ANKS1B: variants seen among roughly 807,000 people sequenced by gnomAD.
The protein encoded by ANKS1B is ankyrin repeat and sterile alpha motif domain-containing protein 1B.
Under a neutral mutation model 148.3 loss-of-function variants are expected in ANKS1B, and 36 were observed. The observed-to-expected ratio is 0.24, with a 90% CI of 0.19 to 0.32. The LOEUF (loss-of-function observed/expected upper bound fraction) is 0.32. Among genes scored for constraint, ANKS1B ranks in the 10% least tolerant of loss-of-function variants. The pLI, the probability that ANKS1B is intolerant of heterozygous loss-of-function variation, is 1.00. For synonymous variants in ANKS1B, 542 were observed against 560.8 expected (o/e 0.97, Z 0.47); for missense variants, 1,157 against 1,542.6 (o/e 0.75, Z 4.19).
chr12:99,962,810 CTT>C (rs1010885602), intron 1 of ANKS1B, among the ~76,000 whole-genome samples: 3 of 120,706 alleles, frequency 2.5e-5, no homozygotes, highest in African/African-American at 6.2e-5. Context: ...TGATGTTGAG[CTT>C]TTTTTTTTTT....
chr12:98,835,625 C>T (rs1319402336), intron 17 of ANKS1B, among the ~76,000 whole-genome samples: 3 of 152,200 alleles, frequency 2.0e-5, no homozygotes, highest in African/African-American at 7.2e-5. Flanking sequence ...ATCCACATCG[C>T]TTAATCTTCA....
chr12:99,453,091 C>A (rs941502486), intron 10 of ANKS1B, among the ~76,000 whole-genome samples: 2 of 151,984 alleles, frequency 1.3e-5, no homozygotes, highest in Admixed American at 6.6e-5. Flanking sequence ...GAGATCGAGA[C>A]CATCCTGGCT....
intron 8 of ANKS1B, among the ~76,000 whole-genome samples, chr12:99,769,281 C>T (rs1356863670): frequency 1.3e-5 from 2 of 152,024 alleles, no homozygotes; most frequent in East Asian, 3.9e-4. Context: ...GATGTTAGAC[C>T]TGAGAAGCTT....
chr12:98,888,308 A>G (rs11612747), intron 17 of ANKS1B, among the ~76,000 whole-genome samples: 15,314 of 152,228 alleles, frequency 0.1, 912 homozygotes, highest in Middle Eastern at 0.17. Context: ...AAAATTTGAT[A>G]TTCTGAATCA....
At chr12:99,401,083 AG>A (rs2094391942) in intron 11 of ANKS1B, among the ~76,000 whole-genome samples, 1 of 146,224 alleles carries the variant, frequency 6.8e-6, no homozygotes, top group Non-Finnish European at 1.5e-5. Flanking sequence ...AGACATTGAG[AG>A]GTATAAATAT....
At chr12:99,612,071 A>G (rs1229594367) in intron 9 of ANKS1B, among the ~76,000 whole-genome samples, 1 of 152,102 alleles carries the variant, frequency 6.6e-6, no homozygotes, top group Non-Finnish European at 1.5e-5. Flanking sequence ...CAGTTAAAAA[A>G]TAGCAGCAGT....
Position 98,751,228 on chromosome 12 carries a change from G to A in ANKS1B, c.3747+127C>T, listed in dbSNP as rs913853590. 4 of 966,756 alleles carry A rather than the reference G, an allele frequency of 4.1e-6. No individual in the cohort carries two copies. The highest frequency in any genetic ancestry group is 1.7e-5 in the African/African-American group (1 of 60,182). The allele number at this position is 966,756 out of a possible 1,614,324, so 59.9% of individuals were successfully genotyped here. ...TGATGATGGACACATGCCAGGAGGAGGCCAAGGGAAAGGATGAAGAAGAGG... is the reference window on the plus strand; with the variant it reads ...TGATGATGGACACATGCCAGGAGGAAGCCAAGGGAAAGGATGAAGAAGAGG... On this transcript the variant is annotated intron_variant, in intron 26 of 26. Coordinates refer to ENST00000683438, the MANE Select transcript of ANKS1B (RefSeq NM_001352186.2). This position sits in a 1 kb window ranked among gnomAD's most constrained non-coding sequence, Gnocchi z 4.3.
intron 8 of ANKS1B, among the ~76,000 whole-genome samples, chr12:99,737,508 G>A (rs1460847044): frequency 6.6e-6 from 1 of 151,962 alleles, no homozygotes; most frequent in Non-Finnish European, 1.5e-5. Flanking sequence ...TCAAGTAATG[G>A]CTTTCCTCTC....
intron 17 of ANKS1B, among the ~76,000 whole-genome samples, chr12:99,031,979 C>T (rs976992278): frequency 3.9e-5 from 6 of 152,186 alleles, no homozygotes; most frequent in African/African-American, 1.4e-4. Flanking sequence ...TAATCTTTAA[C>T]AAATTCAATC....
At chr12:99,737,730 T>C (rs917213762) in intron 8 of ANKS1B, among the ~76,000 whole-genome samples, 3 of 152,186 alleles carry the variant, frequency 2.0e-5, no homozygotes, top group Admixed American at 6.5e-5. Context: ...CTTTTTCCTA[T>C]TTCCCCCCTA....
At chr12:99,850,770 T>C (rs994355121) in intron 1 of ANKS1B, among the ~76,000 whole-genome samples, 2 of 152,122 alleles carry the variant, frequency 1.3e-5, no homozygotes, top group Non-Finnish European at 2.9e-5. Flanking sequence ...AGTATTTTGC[T>C]TTTGACAAAG....
At chr12:99,924,892 CTA>C (rs946167901) in intron 1 of ANKS1B, among the ~76,000 whole-genome samples, 47 of 152,246 alleles carry the variant, frequency 3.1e-4, no homozygotes, top group African/African-American at 1.0e-3. Context: ...CCACATCACT[CTA>C]TTTCTGTATC....
At chr12:98,873,539 T>C (rs1198026853) in intron 17 of ANKS1B, among the ~76,000 whole-genome samples, 1 of 152,126 alleles carries the variant, frequency 6.6e-6, no homozygotes, top group African/African-American at 2.4e-5. Flanking sequence ...GGAAAGAAAG[T>C]AATCGAGGAT....
intron 12 of ANKS1B, among the ~76,000 whole-genome samples, chr12:99,383,390 A>C (rs1445344767): frequency 6.6e-6 from 1 of 152,226 alleles, no homozygotes; most frequent in Non-Finnish European, 1.5e-5. Flanking sequence ...CAGACTCTTT[A>C]AAATGGCTTA....
At chr12:99,930,493 C>G (rs2094586056) in intron 1 of ANKS1B, among the ~76,000 whole-genome samples, 1 of 152,122 alleles carries the variant, frequency 6.6e-6, no homozygotes, top group South Asian at 2.1e-4. Flanking sequence ...CCTCTATTTC[C>G]TTCTCCTGCC....
chr12:98,798,887 T>C, intron 22 of ANKS1B, 47 bp downstream of exon 22: 1 of 1,490,122 alleles, frequency 6.7e-7, no homozygotes, highest in Non-Finnish European at 9.3e-7. Context: ...CCATACCCAG[T>C]ATTTAGTATT....
At chr12:99,375,016 A>G (rs1216106168) in intron 12 of ANKS1B, among the ~76,000 whole-genome samples, 1 of 152,228 alleles carries the variant, frequency 6.6e-6, no homozygotes, top group Non-Finnish European at 1.5e-5. Context: ...TCTGTTTTCT[A>G]GAGTCAATGA....
In ANKS1B at chr12:99,406,442, A is replaced by G. The variant is rs532974509; in HGVS notation, c.1576-6631T>C. Among the ~76,000 whole-genome samples the G allele has an allele frequency of 4.2e-4, 62 of 146,078 alleles. No homozygotes were observed. The South Asian group carries it at 0.012, about 29-fold the overall frequency. On this transcript the variant is annotated intron_variant, in intron 11 of 26. Coordinates refer to ENST00000683438, the MANE Select transcript of ANKS1B (RefSeq NM_001352186.2). Reference sequence around the variant, plus strand: ...TGAATGACCAAATGGGTCAATGAAGAAATTAAGAGGGGAATTTAAAAATGT... The same window carrying G: ...TGAATGACCAAATGGGTCAATGAAGGAATTAAGAGGGGAATTTAAAAATGT...
chr12:99,953,358 A>T (rs887148463), intron 1 of ANKS1B, among the ~76,000 whole-genome samples: 1 of 152,234 alleles, frequency 6.6e-6, no homozygotes, highest in African/African-American at 2.4e-5. Context: ...TGTTGAGGAC[A>T]TACCATTTGG....
Sources: gnomAD v4.1 joint callset for allele counts (sites outside exome capture counted in the v4.1 genomes callset) on GRCh38, gnomAD v4.1.1 for gene constraint, Gnocchi (gnomAD v3.1) non-coding constraint, MANE v1.5 for transcripts, NCBI Gene and HGNC (gene_info 2026-07-23, HGNC 2026-07-21) for gene names.